The following EIF3I variants were observed in gnomAD, a reference collection of about 807,000 sequenced individuals.
EIF3I encodes the protein eukaryotic translation initiation factor 3 subunit I, also known as TGF-beta receptor-interacting protein 1.
In EIF3I, 20 loss-of-function variants were observed where a neutral mutation model predicts 43.3. The observed-to-expected ratio is 0.46, with a 90% CI of 0.32 to 0.67. The LOEUF (loss-of-function observed/expected upper bound fraction) is 0.67, where lower values mean the gene tolerates loss of function less well. EIF3I is among the 30% of genes least tolerant of loss of function. EIF3I has a pLI of 0.03. For synonymous variants in EIF3I, 167 were observed against 151.7 expected (o/e 1.10, Z -0.74); for missense variants, 279 against 421.4 (o/e 0.66, Z 2.96).
chr1:32,234,343 C>G (rs957228428), downstream of EIF3I: 1 of 151,540 alleles, frequency 6.6e-6, no homozygotes, highest in Non-Finnish European at 1.5e-5. Flanking sequence ...ACTGATGGCA[C>G]AGGTATCCAA....
rs567616178 is a variant in EIF3I at position 32,225,985 on chromosome 1, T to C, written c.251-186T>C. 4.0e-5 allele frequency among the ~76,000 whole-genome samples: 6 copies of C among 151,236 alleles called. No homozygotes were observed. In the East Asian group the frequency reaches 9.7e-4, roughly 24 times the overall value. ...GCAGTGAGAGCCGAGATTGCACCACTGCACTCCAGCCTGGGCAACAGAGTG... is the reference window on the plus strand; with the variant it reads ...GCAGTGAGAGCCGAGATTGCACCACCGCACTCCAGCCTGGGCAACAGAGTG... On this transcript the variant is annotated intron_variant, in intron 4 of 11. Coordinates refer to ENST00000676679, the Ensembl canonical transcript of EIF3I.
intron 8 of EIF3I, 126 bp downstream of exon 8, chr1:32,228,942 G>A: frequency 9.4e-7 from 1 of 1,069,486 alleles, no homozygotes; most frequent in Admixed American, 2.1e-5. Context: ...GATGCCCAGA[G>A]GAGTGACAAA....
Position 32,224,396 on chromosome 1 carries a change from T to C in EIF3I, c.185-14T>C. The C allele has an allele frequency of 1.2e-6, 2 of 1,612,468 alleles. No individual in the cohort carries two copies. The highest frequency in any genetic ancestry group is 1.7e-6 in the Non-Finnish European group (2 of 1,178,636). On this transcript the variant is annotated splice_polypyrimidine_tract_variant and intron_variant, in intron 3 of 11. Transcript: ENST00000676679. ...CTCGGGTGAACTTCGTCATATTTCTTAACAACTCTTCAGGGGACACCAAGC... is the reference window on the plus strand; with the variant it reads ...CTCGGGTGAACTTCGTCATATTTCTCAACAACTCTTCAGGGGACACCAAGC...
chr1:32,224,322 T>TG (rs1355379376), intron 3 of EIF3I, 88 bp from the exon 4 acceptor site: 7 of 1,258,190 alleles, frequency 5.6e-6, no homozygotes. Context: ...AAAGGCTCTT[T>TG]GGGGCTGAAC....
chr1:32,224,626 C>A, intron 4 of EIF3I, 151 bp downstream of exon 4: 1 of 560,302 alleles, frequency 1.8e-6, no homozygotes, highest in African/African-American at 1.9e-5. Context: ...AGAAAATACA[C>A]GCCATGGTAG....
At chr1:32,226,565 TA>T (rs1251597155) in intron 6 of EIF3I, 35 bp downstream of exon 6, 4 of 1,404,284 alleles carry the variant, frequency 2.8e-6, no homozygotes, top group Admixed American at 2.8e-5. Flanking sequence ...CCTACCAGAA[TA>T]ATTTTTTTTT....
At chr1:32,228,370 T>C (rs1270550307) in intron 6 of EIF3I, 129 bp from the exon 7 acceptor site, 3 of 700,950 alleles carry the variant, frequency 4.3e-6, no homozygotes, top group Non-Finnish European at 7.7e-6. Context: ...GGGTGACTGA[T>C]AGGATAGAGG....
exon 12 of EIF3I, chr1:32,231,184 G>A (rs1398816349): frequency 6.2e-6 from 10 of 1,613,578 alleles, no homozygotes; most frequent in Non-Finnish European, 8.5e-6. Flanking sequence ...TCGAATTTGA[G>A]TTTGAGGCTT....
chr1:32,225,023 A>C (rs1370442479), intron 4 of EIF3I, among the ~76,000 whole-genome samples: 1 of 152,134 alleles, frequency 6.6e-6, no homozygotes, highest in African/African-American at 2.4e-5. Flanking sequence ...TAGTAGAGAC[A>C]GGGTTTCACC....
At chr1:32,226,756 G>GA (rs1436221649) in intron 6 of EIF3I, among the ~76,000 whole-genome samples, 10 of 148,242 alleles carry the variant, frequency 6.7e-5, no homozygotes, top group African/African-American at 2.5e-4. Flanking sequence ...TTTTAGTAGA[G>GA]ACAGGGTTTC....
chr1:32,229,170 A>G (rs1256300921), exon 9 of EIF3I: 1 of 1,614,190 alleles, frequency 6.2e-7, no homozygotes, highest in South Asian at 1.1e-5. Flanking sequence ...CCATGGATGT[A>G]ACCACAACCT....
At chr1:32,228,988 G>C in intron 8 of EIF3I, 147 bp from the exon 9 acceptor site, 1 of 1,049,836 alleles carries the variant, frequency 9.5e-7, no homozygotes, top group South Asian at 1.5e-5. Flanking sequence ...GCAGCCAGCA[G>C]GAGGTGGCAG....
In EIF3I at chr1:32,225,512, G is replaced by A. The variant is rs560765577; in HGVS notation, c.251-659G>A. ...AATCCCAGCACTTTGGGAGGTTGAG[G>A]CAGGTGGATCACCTGAGGTCAGGAG... On this transcript the variant is annotated intron_variant, in intron 4 of 11. Transcript: ENST00000676679. 2.3e-4 allele frequency among the ~76,000 whole-genome samples: 35 copies of A among 152,034 alleles called. 1 individual carries two copies. In the South Asian group the frequency reaches 7.3e-3, roughly 32 times the overall value.
intron 8 of EIF3I, 64 bp downstream of exon 8, chr1:32,228,880 T>G (rs1390642584): frequency 2.2e-6 from 3 of 1,386,592 alleles, no homozygotes; most frequent in Non-Finnish European, 3.0e-6. Context: ...TAGATGCTTG[T>G]CCAGAAGTTG....
intron 8 of EIF3I, 77 bp from the exon 9 acceptor site, chr1:32,229,058 A>G: frequency 6.7e-7 from 1 of 1,482,688 alleles, no homozygotes. Context: ...AGATGTTAAA[A>G]ATGTATATGG....
exon 1 of EIF3I, chr1:32,222,421 C>A: frequency 6.3e-7 from 1 of 1,593,300 alleles, no homozygotes. Context: ...ACGTTGCGGC[C>A]TTCCTCGCGT....
At chr1:32,226,824 CTTTTTTTTTTT>C (rs1216197071) in intron 6 of EIF3I, among the ~76,000 whole-genome samples, 13 of 78,620 alleles carry the variant, frequency 1.7e-4, no homozygotes, top group African/African-American at 3.2e-4. Context: ...CCGCTCGTGG[CTTTTTTTTTTT>C]TTTTTTTTTT....
chr1:32,229,294 T>C (rs941439164), intron 9 of EIF3I, 86 bp downstream of exon 9: 2 of 1,428,442 alleles, frequency 1.4e-6, no homozygotes, highest in African/African-American at 1.4e-5. Flanking sequence ...GGAGTCTCGC[T>C]CTGTCGCCTA....
downstream of EIF3I, among the ~76,000 whole-genome samples, chr1:32,232,727 C>T (rs949945429): frequency 1.3e-5 from 2 of 151,930 alleles, no homozygotes; most frequent in African/African-American, 4.8e-5. Flanking sequence ...CAAACTCAGA[C>T]AATTTTAGGA....
Sources: gnomAD v4.1 joint callset for allele counts (sites outside exome capture counted in the v4.1 genomes callset) on GRCh38, gnomAD v4.1.1 for gene constraint, MANE v1.5 for transcripts, NCBI Gene and HGNC (gene_info 2026-07-23, HGNC 2026-07-21) for gene names.